Variants in QKI observed in about 807,000 individuals in gnomAD.
QKI encodes the protein KH domain-containing RNA-binding protein QKI.
A neutral mutation model predicts 39.0 loss-of-function variants in QKI; 10 were observed. The observed-to-expected ratio is 0.26, with a 90% CI of 0.16 to 0.43. The LOEUF (loss-of-function observed/expected upper bound fraction) is 0.43. Ranked by LOEUF, QKI falls within the 20% of genes least tolerant of loss-of-function variation. The pLI, the probability that QKI is intolerant of heterozygous loss-of-function variation, is 1.00. For synonymous variants in QKI, 204 were observed against 155.4 expected (o/e 1.31, Z -2.33); for missense variants, 218 against 428.0 (o/e 0.51, Z 4.33).
intron 4 of QKI, among the ~76,000 whole-genome samples, chr6:163,540,039 A>G (rs1464355203): frequency 1.3e-5 from 2 of 150,614 alleles, no homozygotes; most frequent in African/African-American, 2.5e-5. Context: ...TAATGTTCAC[A>G]TCTTGAACTG....
At chr6:163,487,060 T>C (rs576411631) in intron 3 of QKI, among the ~76,000 whole-genome samples, 2 of 152,318 alleles carry the variant, frequency 1.3e-5, no homozygotes, top group African/African-American at 4.8e-5. Context: ...TTGTGATTGA[T>C]ACACCAGAGT....
chr6:163,417,418 C>T (rs1005611718), intron 1 of QKI, among the ~76,000 whole-genome samples: 2 of 152,090 alleles, frequency 1.3e-5, no homozygotes, highest in Admixed American at 6.5e-5. Context: ...ATACTTTCAC[C>T]TTATGTATAC....
chr6:163,446,794 C>A (rs1290130601), intron 1 of QKI, among the ~76,000 whole-genome samples: 2 of 152,136 alleles, frequency 1.3e-5, no homozygotes, highest in Admixed American at 6.5e-5. Flanking sequence ...AAGGCCCTCC[C>A]CACCAAGTCC....
chr6:163,416,952 G>GT (rs1488222957), intron 1 of QKI, among the ~76,000 whole-genome samples: 2 of 151,764 alleles, frequency 1.3e-5, no homozygotes, highest in Non-Finnish European at 2.9e-5. Context: ...CTTAAATTGA[G>GT]TATTTCCAAA....
chr6:163,449,466 A>T (rs958205840), intron 1 of QKI, among the ~76,000 whole-genome samples: 1 of 152,202 alleles, frequency 6.6e-6, no homozygotes, highest in Non-Finnish European at 1.5e-5. Flanking sequence ...GAAAAAATAT[A>T]TATGTCTATA....
intron 1 of QKI, among the ~76,000 whole-genome samples, chr6:163,418,082 G>C (rs948346565): frequency 5.3e-5 from 8 of 150,954 alleles, no homozygotes; most frequent in African/African-American, 1.9e-4. Context: ...TTTTGTTTCT[G>C]GTTAGGCATT....
intron 3 of QKI, among the ~76,000 whole-genome samples, chr6:163,526,084 C>A (rs1219357655): frequency 6.6e-6 from 1 of 152,078 alleles, no homozygotes; most frequent in Non-Finnish European, 1.5e-5. Flanking sequence ...TTCCATACTT[C>A]TTGAAACTTT....
chr6:163,515,175 A>G (rs951727000), intron 3 of QKI, among the ~76,000 whole-genome samples: 1 of 152,182 alleles, frequency 6.6e-6, no homozygotes, highest in Non-Finnish European at 1.5e-5. Flanking sequence ...ATGCACCTTT[A>G]TATTTAATGA....
intron 2 of QKI, among the ~76,000 whole-genome samples, chr6:163,458,818 A>G (rs530510242): frequency 3.9e-5 from 6 of 152,306 alleles, no homozygotes; most frequent in South Asian, 4.1e-4. Context: ...GCAGACTTCT[A>G]TTGCATCTCT....
chr6:163,428,543 AAGAT>A lies in QKI; in HGVS notation c.142+13211_142+13214del, dbSNP rs10556370. 3.3e-3 allele frequency among the ~76,000 whole-genome samples: 507 copies of A among 152,312 alleles called. 4 individuals carry two copies. The highest frequency in any genetic ancestry group is 0.011 in the African/African-American group (474 of 41,574). On this transcript the variant is annotated intron_variant, in intron 1 of 7. Transcript: ENST00000361752. ...TAATAAAAAATTATCAGCAGTAAAA[AAGAT>A]AGTCTTATCTCACTTTTATTATAGT... is the stretch of plus-strand genomic sequence containing the variant.
chr6:163,415,043 C>G lies in QKI; in HGVS notation c.-151C>G. The G allele has an allele frequency of 1.2e-6, 1 of 817,304 alleles. No individual in the cohort carries two copies. Among genetic ancestry groups the G allele is most frequent in the Non-Finnish European group, 1.5e-6 (1 of 680,614 alleles). 50.6% of individuals were successfully genotyped at this position (817,304 alleles called of 1,614,324 possible). Reference sequence around the variant, plus strand: ...GGCGAGCGCGCGGTGCCGGCCGCCCCGGGGCTCGGCGCGGGAGCCAGAGCG... The same window carrying G: ...GGCGAGCGCGCGGTGCCGGCCGCCCGGGGGCTCGGCGCGGGAGCCAGAGCG... On this transcript the variant is annotated 5_prime_UTR_variant, in exon 1 of 8. Transcript: ENST00000361752.
At chr6:163,528,114 A>G (rs1780623250) in intron 3 of QKI, among the ~76,000 whole-genome samples, 2 of 152,116 alleles carry the variant, frequency 1.3e-5, no homozygotes, top group Admixed American at 1.3e-4. Flanking sequence ...ATTTATGGAG[A>G]AAGAATACTT....
At position 163,564,933 on chromosome 6, in the gene QKI, G is replaced by A. The variant is rs1455966721; in HGVS notation, c.934+1214G>A. On this transcript the variant is annotated intron_variant, in intron 6 of 7. Transcript: ENST00000361752. ...CATTAATATTGATTTATAAAGATTT[G>A]AAAATCTTTAATGAACTGGAGAACA... The A allele has an allele frequency of 9.7e-6, 13 of 1,341,344 alleles. No homozygotes were observed. The East Asian group carries it at 3.0e-4, about 31-fold the overall frequency. The allele number at this position is 1,341,344 out of a possible 1,614,324, so 83.1% of individuals were successfully genotyped here.
At chr6:163,552,740 C>G (rs1223496667) in intron 4 of QKI, among the ~76,000 whole-genome samples, 3 of 152,114 alleles carry the variant, frequency 2.0e-5, no homozygotes, top group African/African-American at 7.2e-5. Context: ...GTGATTATTT[C>G]CCTAGGCCTT....
intron 3 of QKI, among the ~76,000 whole-genome samples, chr6:163,533,339 T>C (rs558721475): frequency 6.6e-6 from 1 of 152,340 alleles, no homozygotes; most frequent in African/African-American, 2.4e-5. Context: ...GTTTCCCACT[T>C]AGTTTGCATG....
At chr6:163,513,232 C>T (rs568008894) in intron 3 of QKI, among the ~76,000 whole-genome samples, 3 of 152,062 alleles carry the variant, frequency 2.0e-5, no homozygotes, top group South Asian at 2.1e-4. Flanking sequence ...AAGAGGAGGA[C>T]GACTATATTG....
chr6:163,513,808 C>G (rs989257870), intron 3 of QKI, among the ~76,000 whole-genome samples: 1 of 152,076 alleles, frequency 6.6e-6, no homozygotes, highest in African/African-American at 2.4e-5. Context: ...GGCAGAAGAC[C>G]TAGGACTTCT....
chr6:163,508,112 CAA>C (rs1779209784), intron 3 of QKI, among the ~76,000 whole-genome samples: 1 of 150,666 alleles, frequency 6.6e-6, no homozygotes. Flanking sequence ...TTGTAAAGAA[CAA>C]AGAGAAAAAA....
At chr6:163,564,161 CATATT>C in intron 6 of QKI, 1 of 1,021,936 alleles carries the variant, frequency 9.8e-7, no homozygotes, top group African/African-American at 1.7e-5. Flanking sequence ...TTATAAAATT[CATATT>C]ATTGTGTGTG....
Sources: allele counts gnomAD v4.1 joint callset (sites outside exome capture counted in the v4.1 genomes callset), GRCh38; gene constraint gnomAD v4.1.1; transcripts MANE v1.5; gene names NCBI Gene and HGNC (gene_info 2026-07-23, HGNC 2026-07-21).